GRAMD1B: variants seen among roughly 807,000 people sequenced by gnomAD.
The protein encoded by GRAMD1B is protein Aster-B.
GRAMD1B carries 37 observed loss-of-function variants against 99.7 expected under a neutral mutation model. The ratio of observed to expected loss-of-function variants is 0.37; its 90% CI spans 0.29 to 0.49. The LOEUF (loss-of-function observed/expected upper bound fraction) is 0.49. GRAMD1B is among the 20% of genes least tolerant of loss of function. The pLI is 0.98. For missense variants in GRAMD1B, 888 were observed against 1,009.2 expected (o/e 0.88, Z 1.63); for synonymous variants, 427 against 387.6 (o/e 1.10, Z -1.19).
At chr11:123,484,771 T>C (rs1951796163) in intron 2 of GRAMD1B, among the ~76,000 whole-genome samples, 1 of 152,136 alleles carries the variant, frequency 6.6e-6, no homozygotes, top group Admixed American at 6.6e-5. Flanking sequence ...CTGGGTTCCT[T>C]CTCCTGGAGA....
intron 2 of GRAMD1B, among the ~76,000 whole-genome samples, chr11:123,527,428 G>A (rs756027303): frequency 2.0e-5 from 3 of 152,186 alleles, no homozygotes; most frequent in Non-Finnish European, 2.9e-5. Flanking sequence ...CTTAGTTTCT[G>A]CAAGTGTAAC....
At chr11:123,410,232 CAAAAACAAACA>C (rs1002547192) in intron 1 of GRAMD1B, among the ~76,000 whole-genome samples, 17 of 150,498 alleles carry the variant, frequency 1.1e-4, no homozygotes, top group African/African-American at 3.9e-4. Flanking sequence ...AAAACAGAAA[CAAAAACAAACA>C]AAAAACAAAC....
intron 4 of GRAMD1B, among the ~76,000 whole-genome samples, chr11:123,588,786 A>G (rs546419778): frequency 1.3e-5 from 2 of 152,214 alleles, no homozygotes; most frequent in African/African-American, 2.4e-5. Flanking sequence ...TTTGAGAGGT[A>G]GATAAGGAAT....
Position 123,613,539 on chromosome 11 carries a change from C to A in GRAMD1B, c.2108C>A (p.Thr703Lys). 1 of 1,613,598 alleles carries A rather than the reference C, an allele frequency of 6.2e-7. No individual in the cohort carries two copies. The highest frequency in any genetic ancestry group is 1.1e-5 in the South Asian group (1 of 90,978). ...SPKEKASKTT[T>K]VRRRKRPHAH... ...AAAGAGAAGGCCAGCAAGACTACAA[C>A]GGTGCGGAGGAGGAAGCGTCCCCAT... Residue 703 changes from threonine (T) to lysine (K), a missense_variant, in exon 16 of 20, where the codon ACG becomes AAG. Thr to Lys is a moderately conservative substitution (Grantham distance 78, BLOSUM62 -1). This residue lies in a region of GRAMD1B where 232 missense variants were observed against 261.7 expected (regional missense o/e 0.89). Transcript: ENST00000635736.
chr11:123,529,467 AC>A (rs1413793750), intron 2 of GRAMD1B, among the ~76,000 whole-genome samples: 2 of 151,684 alleles, frequency 1.3e-5, no homozygotes, highest in East Asian at 1.9e-4. Flanking sequence ...CCCCAGTGCA[AC>A]CCCTCTCTCT....
At chr11:123,419,173 C>G (rs913379258) in intron 1 of GRAMD1B, among the ~76,000 whole-genome samples, 1 of 152,178 alleles carries the variant, frequency 6.6e-6, no homozygotes, top group African/African-American at 2.4e-5. Context: ...CAGACAGAGA[C>G]TTGCTACATA....
chr11:123,560,591 A>G (rs1334060822), intron 2 of GRAMD1B: 3 of 534,100 alleles, frequency 5.6e-6, no homozygotes, highest in East Asian at 7.3e-5. Flanking sequence ...TGCCCAATGC[A>G]TGAATGAATG....
At chr11:123,595,547 G>C (rs558452925) in intron 6 of GRAMD1B, among the ~76,000 whole-genome samples, 1 of 152,014 alleles carries the variant, frequency 6.6e-6, no homozygotes. Flanking sequence ...GCCCGCCTCC[G>C]CCTCCCAAAG....
upstream of GRAMD1B, among the ~76,000 whole-genome samples, chr11:123,427,445 A>G (rs1317867319): frequency 6.6e-6 from 1 of 152,254 alleles, no homozygotes; most frequent in Non-Finnish European, 1.5e-5. Flanking sequence ...AAAGGTCACC[A>G]TACACATAAC....
chr11:123,589,099 T>C (rs1950361103), intron 4 of GRAMD1B, among the ~76,000 whole-genome samples: 1 of 151,668 alleles, frequency 6.6e-6, no homozygotes, highest in African/African-American at 2.4e-5. Context: ...ATGAGCAGCG[T>C]GTCACGTGAG....
At chr11:123,527,730 C>G (rs896356737) in intron 2 of GRAMD1B, among the ~76,000 whole-genome samples, 5 of 152,162 alleles carry the variant, frequency 3.3e-5, no homozygotes, top group South Asian at 4.1e-4. Context: ...GAACACTGGG[C>G]TCTTCATCAG....
chr11:123,411,704 G>C (rs1366891288), intron 1 of GRAMD1B, among the ~76,000 whole-genome samples: 1 of 152,020 alleles, frequency 6.6e-6, no homozygotes, highest in Non-Finnish European at 1.5e-5. Context: ...ACACAGGCTG[G>C]AGTGCAGAAC....
chr11:123,394,558 C>CTTT (rs572235856), intron 1 of GRAMD1B, among the ~76,000 whole-genome samples: 2 of 144,838 alleles, frequency 1.4e-5, no homozygotes, highest in African/African-American at 5.8e-5. Context: ...CATCTCTCTT[C>CTTT]TCTTCTTTTC....
chr11:123,451,263 A>G (rs980767430), intron 1 of GRAMD1B, among the ~76,000 whole-genome samples: 1 of 152,234 alleles, frequency 6.6e-6, no homozygotes, highest in Non-Finnish European at 1.5e-5. Flanking sequence ...CAGGATGTCC[A>G]GTGACAAGCG....
chr11:123,370,553 T>C (rs1406075266), intron 1 of GRAMD1B, among the ~76,000 whole-genome samples: 1 of 151,824 alleles, frequency 6.6e-6, no homozygotes, highest in Non-Finnish European at 1.5e-5. Flanking sequence ...TTGCCCAGGC[T>C]GGTCTCGAAC....
chr11:123,487,423 C>T (rs1388256531), intron 2 of GRAMD1B, among the ~76,000 whole-genome samples: 2 of 152,120 alleles, frequency 1.3e-5, no homozygotes, highest in East Asian at 3.9e-4. Context: ...AAGGCATGTT[C>T]GGGAACCACA....
intron 2 of GRAMD1B, among the ~76,000 whole-genome samples, chr11:123,513,574 TTCCTTTCCTTCCTTCCTTCCTTCC>T (rs1565315516): frequency 3.2e-4 from 30 of 95,170 alleles, no homozygotes; most frequent in African/African-American, 1.2e-3. Flanking sequence ...CCTTCCTTCC[TTCCTTTCCTTCCTTCCTTCCTTCC>T]TTCCTTCCTT....
chr11:123,602,465 G>A (rs1952109711), intron 8 of GRAMD1B, among the ~76,000 whole-genome samples: 1 of 152,088 alleles, frequency 6.6e-6, no homozygotes, highest in Non-Finnish European at 1.5e-5. Context: ...TTGGTGTGCT[G>A]CACCCAAATT....
intron 2 of GRAMD1B, among the ~76,000 whole-genome samples, chr11:123,551,622 T>C (rs1945625288): frequency 1.3e-5 from 2 of 152,206 alleles, no homozygotes; most frequent in Non-Finnish European, 1.5e-5. Context: ...TTATTTAGTC[T>C]CTTTCCATGG....
Sources: allele counts gnomAD v4.1 joint callset (sites outside exome capture counted in the v4.1 genomes callset), GRCh38; gene constraint gnomAD v4.1.1; regional missense constraint gnomAD v4.1.1; transcripts MANE v1.5; gene names NCBI Gene and HGNC (gene_info 2026-07-23, HGNC 2026-07-21).